The following ZMYND19 variants were observed in gnomAD, a reference collection of about 807,000 sequenced individuals.
ZMYND19 encodes the protein zinc finger MYND domain-containing protein 19.
ZMYND19 carries 17 observed loss-of-function variants against 32.0 expected under a neutral mutation model. The ratio of observed to expected loss-of-function variants is 0.53; its 90% confidence interval spans 0.36 to 0.80. The LOEUF (loss-of-function observed/expected upper bound fraction) is 0.80. Ranked by LOEUF, ZMYND19 falls within the 30% of genes least tolerant of loss-of-function variation. The probability of loss-of-function intolerance (pLI) is 0.00; values close to 1 mark genes in which losing one functional copy is unlikely to be tolerated. For missense variants in ZMYND19, 250 were observed against 293.6 expected (o/e 0.85, Z 1.09); for synonymous variants, 124 against 113.6 (o/e 1.09, Z -0.58).
intron 4 of ZMYND19, among the ~76,000 whole-genome samples, 178 bp from the exon 5 acceptor site, chr9:137,583,341 C>T (rs1842168723): frequency 6.6e-6 from 1 of 152,194 alleles, no homozygotes; most frequent in African/African-American, 2.4e-5. Flanking sequence ...AATATTGTGT[C>T]TCATCTTCCC....
rs558457439 is a variant in ZMYND19 at position 137,582,516 on chromosome 9, TGTGA to T, written c.*23_*26del. 3,087 of 1,607,286 alleles carry T rather than the reference TGTGA, an allele frequency of 1.9e-3. 52 individuals carry two copies. The African/African-American group carries it at 0.03, about 16-fold the overall frequency. The stretch of plus-strand genomic sequence containing the variant: ...TGTGCCCAGGGTAGAGCCCGGGGGC[TGTGA>T]GTATGTGTGGCTCCCCTGCCCGTCA... On this transcript the variant is annotated 3_prime_UTR_variant, in exon 6 of 6. Coordinates refer to ENST00000298585, the MANE Select transcript of ZMYND19 (RefSeq NM_138462.3).
intron 3 of ZMYND19, 174 bp from the exon 4 acceptor site, chr9:137,587,281 C>G (rs1842216585): frequency 1.9e-6 from 2 of 1,074,106 alleles, no homozygotes; most frequent in South Asian, 3.3e-5. Context: ...TGAGAGAAAC[C>G]CAAGCACCTG....
At chr9:137,584,196 C>A (rs1235059673) in intron 4 of ZMYND19, among the ~76,000 whole-genome samples, 1 of 152,268 alleles carries the variant, frequency 6.6e-6, no homozygotes, top group Non-Finnish European at 1.5e-5. Flanking sequence ...CCAACACCTG[C>A]TGGGTTCTAA....
At chr9:137,587,558 G>A (rs952183758) in intron 3 of ZMYND19, 159 bp downstream of exon 3, 13 of 682,364 alleles carry the variant, frequency 1.9e-5, no homozygotes, top group Middle Eastern at 4.0e-4. Flanking sequence ...CAAATCATTC[G>A]TTCCTTTGGG....
In ZMYND19 at chr9:137,587,754, C is replaced by G; in HGVS notation, c.181G>C (p.Gly61Arg). 1 of 1,614,172 alleles carries G rather than the reference C, an allele frequency of 6.2e-7. No homozygotes were observed. Among genetic ancestry groups the G allele is most frequent in the Non-Finnish European group, 8.5e-7 (1 of 1,180,024 alleles). ...IFAYAFDKNR[G>R]RGSGRLLHEL... ...TGAAGGAGTCTCCCAGAGCCCCTTC[C>G]TCGGTTCTTGTCAAAGGCATAGGCA... is the stretch of plus-strand genomic sequence containing the variant. The change falls in exon 3 of 6, where the codon GGA becomes CGA. Residue 61 changes from glycine (G) to arginine (R), a missense_variant. By Grantham distance (125) the Gly-to-Arg change is moderately radical. Coordinates refer to ENST00000298585, the MANE Select transcript of ZMYND19 (RefSeq NM_138462.3).
intron 4 of ZMYND19, 115 bp from the exon 5 acceptor site, chr9:137,583,278 T>A: frequency 8.5e-7 from 1 of 1,177,532 alleles, no homozygotes; most frequent in Non-Finnish European, 1.2e-6. Context: ...AGCCCGAGTT[T>A]GAGTCTCCTT....
At position 137,582,560 on chromosome 9, in the gene ZMYND19, G is replaced by A. The variant is rs1204204203; in HGVS notation, c.667C>T (p.Leu223Phe). ...RERKRPFQHE[L>F]EPER ...CCTGCCCGTCATCGCTCTGGCTCAA[G>A]CTCATGCTGGAAGGGACGCTTCCTC... Residue 223 changes from leucine to phenylalanine, a missense_variant, in exon 6 of 6, where the codon CTT becomes TTT. By Grantham distance (22) the Leu-to-Phe change is conservative (BLOSUM62 0). Around this residue, in one of 2 missense-constraint regions of ZMYND19, gnomAD observed 38 missense variants for 74.9 expected, o/e 0.51. Transcript: ENST00000298585. 2 of 1,612,974 alleles carry A rather than the reference G, an allele frequency of 1.2e-6. No individual in the cohort carries two copies. Among genetic ancestry groups the A allele is most frequent in the Admixed American group, 1.7e-5 (1 of 60,012 alleles).
intron 1 of ZMYND19, 63 bp from the exon 2 acceptor site, chr9:137,588,781 T>G: frequency 1.3e-6 from 2 of 1,591,548 alleles, no homozygotes; most frequent in Non-Finnish European, 1.7e-6. Flanking sequence ...GCAGTAACCT[T>G]ATAACCAGAA....
At position 137,582,373 on chromosome 9, in the gene ZMYND19, C is replaced by A; in HGVS notation, c.*170G>T. The A allele has an allele frequency of 1.1e-6, 1 of 873,812 alleles. No homozygotes were observed. Among genetic ancestry groups the A allele is most frequent in the South Asian group, 1.8e-5 (1 of 55,598 alleles). 54.1% of individuals were successfully genotyped at this position (873,812 alleles called of 1,614,324 possible). On this transcript the variant is annotated 3_prime_UTR_variant, in exon 6 of 6. Transcript: ENST00000298585. ...CCGTTGTCTCTGCTGGAGATGAACA[C>A]TGAGGGGCGCTGTAACCACACAGAC...
chr9:137,588,433 G>A (rs1842230726), intron 2 of ZMYND19, among the ~76,000 whole-genome samples: 1 of 148,688 alleles, frequency 6.7e-6, no homozygotes, highest in Non-Finnish European at 1.5e-5. Flanking sequence ...GAAGACCACT[G>A]TCGCCAGGCC....
At chr9:137,583,947 G>A (rs1842174878) in intron 4 of ZMYND19, among the ~76,000 whole-genome samples, 1 of 152,150 alleles carries the variant, frequency 6.6e-6, no homozygotes, top group Admixed American at 6.5e-5. Context: ...CAAAGACAGG[G>A]TGACCCCACC....
chr9:137,584,890 C>CAA (rs892105282), intron 4 of ZMYND19, among the ~76,000 whole-genome samples: 25 of 152,176 alleles, frequency 1.6e-4, no homozygotes, highest in African/African-American at 5.6e-4. Flanking sequence ...CCCTGGCTCT[C>CAA]CACATTTCAG....
chr9:137,585,966 C>T (rs914413246), intron 4 of ZMYND19, among the ~76,000 whole-genome samples: 13 of 152,248 alleles, frequency 8.5e-5, no homozygotes, highest in Admixed American at 3.9e-4. Flanking sequence ...GTCAGTGAAG[C>T]GTGTGTGGCT....
intron 3 of ZMYND19, 178 bp from the exon 4 acceptor site, chr9:137,587,285 G>C: frequency 9.6e-7 from 1 of 1,041,756 alleles, no homozygotes; most frequent in South Asian, 1.7e-5. Flanking sequence ...AGAAACCCAA[G>C]CACCTGATCT....
rs1842219358 is a variant in ZMYND19, at chr9:137,587,525, C to T, written c.218+192G>A. 4 of 622,324 alleles carry T rather than the reference C, an allele frequency of 6.4e-6. No individual in the cohort carries two copies. In the South Asian group the frequency reaches 7.6e-5, roughly 12 times the overall value. 38.6% of individuals were successfully genotyped at this position (622,324 alleles called of 1,614,324 possible). On this transcript the variant is annotated intron_variant, in intron 3 of 5. Transcript: ENST00000298585. ...GGGCAAGCTCCCAGCAGAAAGTCCA[C>T]TTGGTGTTTGAAGTGCAACATACAA...
At chr9:137,587,654 G>T in intron 3 of ZMYND19, 63 bp downstream of exon 3, 1 of 1,477,424 alleles carries the variant, frequency 6.8e-7, no homozygotes, top group Non-Finnish European at 9.5e-7. Context: ...CAGGCGCCCT[G>T]TGCCATCGGA....
Position 137,586,163 on chromosome 9 carries a change from C to T in ZMYND19, c.359+804G>A, listed in dbSNP as rs539470472. Among the ~76,000 whole-genome samples, 9 of 152,392 alleles carry T rather than the reference C, an allele frequency of 5.9e-5. No individual in the cohort carries two copies. In the East Asian group the frequency reaches 1.7e-3, roughly 29 times the overall value. The stretch of plus-strand genomic sequence containing the variant: ...GCAGGTCGGGGGCCGAGGGCTGAGC[C>T]CTGAACCATTCTCCGCTTTAAACCT... On this transcript the variant is annotated intron_variant, in intron 4 of 5. Transcript: ENST00000298585.
In ZMYND19 at chr9:137,588,394, G is replaced by A. The variant is rs942953157; in HGVS notation, c.111+265C>T. Among the ~76,000 whole-genome samples the A allele has an allele frequency of 7.2e-5, 11 of 152,258 alleles. No homozygotes were observed. The South Asian group carries it at 1.2e-3, about 17-fold the overall frequency. On this transcript the variant is annotated intron_variant, in intron 2 of 5. Transcript: ENST00000298585. ...ATGAGAACATTCCATTTGCTTTCAA[G>A]AGGAGCTGGCAGCTGGGGTGAAAGT... is the stretch of plus-strand genomic sequence containing the variant.
At chr9:137,587,607 G>T (rs1242852508) in intron 3 of ZMYND19, 110 bp downstream of exon 3, 6 of 902,268 alleles carry the variant, frequency 6.6e-6, no homozygotes, top group Non-Finnish European at 1.1e-5. Flanking sequence ...CGAGATTCAG[G>T]GAAGGCAAGG....
Sources: gnomAD v4.1 joint callset for allele counts (sites outside exome capture counted in the v4.1 genomes callset) on GRCh38, gnomAD v4.1.1 for gene constraint, gnomAD v4.1.1 regional missense constraint, MANE v1.5 for transcripts, NCBI Gene and HGNC (gene_info 2026-07-23, HGNC 2026-07-21) for gene names.